Variants in AGAP1 observed in about 807,000 individuals in gnomAD.
AGAP1 encodes arf-GAP with GTPase, ANK repeat and PH domain-containing protein 1.
A neutral mutation model predicts 105.3 loss-of-function variants in AGAP1; 29 were observed. The observed-to-expected ratio is 0.28, with a 90% confidence interval of 0.21 to 0.38. The LOEUF is 0.38. Ranked by LOEUF, AGAP1 falls within the 10% of genes least tolerant of loss-of-function variation. The pLI, the probability that AGAP1 is intolerant of heterozygous loss-of-function variation, is 1.00. For synonymous variants in AGAP1, 509 were observed against 485.9 expected (o/e 1.05, Z -0.63); for missense variants, 998 against 1,165.1 (o/e 0.86, Z 2.09).
rs190587843 is a variant in AGAP1, at chr2:235,527,643, G to A, written c.163+32794G>A. 1.6e-3 allele frequency among the ~76,000 whole-genome samples: 243 copies of A among 152,196 alleles called. 2 individuals carry two copies. Among genetic ancestry groups the A allele is most frequent in the Non-Finnish European group, 2.4e-3 (163 of 68,006 alleles). ...GCCCAAACCATCTGCCTATCTTAGC[G>A]TCCCGAAGTGCTGGAATTACCGTAG... On this transcript the variant is annotated intron_variant, in intron 1 of 17. Transcript: ENST00000304032.
At chr2:235,997,849 C>A (rs1012314698) in intron 13 of AGAP1, among the ~76,000 whole-genome samples, 1 of 151,968 alleles carries the variant, frequency 6.6e-6, no homozygotes, top group Non-Finnish European at 1.5e-5. Context: ...CTTCCCAGTA[C>A]ATTTGTTTAT....
intron 6 of AGAP1, among the ~76,000 whole-genome samples, chr2:235,768,854 TGCA>T (rs1173306691): frequency 6.6e-6 from 1 of 152,238 alleles, no homozygotes; most frequent in Non-Finnish European, 1.5e-5. Context: ...TGGCCAGCGC[TGCA>T]GCTTCCTCTC....
At chr2:235,727,178 C>T (rs1456745936) in intron 3 of AGAP1, among the ~76,000 whole-genome samples, 4 of 152,134 alleles carry the variant, frequency 2.6e-5, no homozygotes, top group Non-Finnish European at 4.4e-5. Context: ...TCTGTCCCTT[C>T]GGGTGGGGAG....
Position 235,747,505 on chromosome 2 carries a change from C to T in AGAP1, c.538+2666C>T, listed in dbSNP as rs1559429500. 1.3e-5 allele frequency among the ~76,000 whole-genome samples: 2 copies of T among 152,086 alleles called. No individual in the cohort carries two copies. The highest frequency in any genetic ancestry group is 4.8e-5 in the African/African-American group (2 of 41,426). ...GGTGAGCAGGTAAGCGGGCCCCATG[C>T]CCTCCCTGCAGGACTCCTCTTAGCT... On this transcript the variant is annotated intron_variant, in intron 5 of 17. Coordinates refer to ENST00000304032, the MANE Select transcript of AGAP1 (RefSeq NM_001037131.3). The surrounding 1 kb of genome is among the most constrained non-coding windows in gnomAD (Gnocchi z 5.0).
Position 235,744,575 on chromosome 2 carries a change from C to CA in AGAP1, c.397-122dup. On this transcript the variant is annotated intron_variant, in intron 4 of 17. Transcript: ENST00000304032. This position sits in a 1 kb window ranked among gnomAD's most constrained non-coding sequence, Gnocchi z 5.2. ...GTAAAAGTGACAGTCAAAAGTCAAG[C>CA]ACCCAGTGTGTGACCGAGGGGATTC... is the stretch of plus-strand genomic sequence containing the variant. The CA allele has an allele frequency of 5.9e-6, 7 of 1,191,078 alleles. No homozygotes were observed. The highest frequency in any genetic ancestry group is 8.5e-6 in the Non-Finnish European group (7 of 822,832). 73.8% of individuals were successfully genotyped at this position (1,191,078 alleles called of 1,614,324 possible). A position where few individuals can be genotyped will look rare whatever the true frequency, so the allele number is the denominator to read the frequency against.
chr2:235,671,161 C>G, intron 1 of AGAP1: 1 of 1,192,854 alleles, frequency 8.4e-7, no homozygotes, highest in Non-Finnish European at 1.0e-6. Flanking sequence ...GGAGCCTGCA[C>G]GTGGCCTCGA....
In AGAP1 at chr2:235,874,434, C is replaced by T. The variant is rs995790440; in HGVS notation, c.1051-8911C>T. 6.6e-6 allele frequency among the ~76,000 whole-genome samples: 1 copy of T among 152,226 alleles called. No individual in the cohort carries two copies. ...TTAACTGGGGGCGCTGCAGCAGCTT[C>T]TCAGACATGGCTGCCCTCATGCCTC... On this transcript the variant is annotated intron_variant, in intron 9 of 17. Transcript: ENST00000304032. The surrounding 1 kb of genome is among the most constrained non-coding windows in gnomAD (Gnocchi z 4.5).
rs957354592 is a variant in AGAP1, at chr2:235,689,752, A to T, written c.164-19427A>T. 1.3e-5 allele frequency among the ~76,000 whole-genome samples: 2 copies of T among 152,172 alleles called. No homozygotes were observed. The highest frequency in any genetic ancestry group is 4.8e-5 in the African/African-American group (2 of 41,442). ...CTGCACTGTTGGTAAACTGTCCTGC[A>T]TGTGTGTACGTGCACACTTGTGTGA... On this transcript the variant is annotated intron_variant, in intron 1 of 17. Coordinates refer to ENST00000304032, the MANE Select transcript of AGAP1 (RefSeq NM_001037131.3). The surrounding 1 kb of genome is among the most constrained non-coding windows in gnomAD (Gnocchi z 4.2).
rs374803616 is a variant in AGAP1 at position 235,992,307 on chromosome 2, T to C, written c.1645+23684T>C. Among the ~76,000 whole-genome samples the C allele has an allele frequency of 2.0e-5, 3 of 152,140 alleles. No individual in the cohort carries two copies. Among genetic ancestry groups the C allele is most frequent in the East Asian group, 3.9e-4 (2 of 5,158 alleles). On this transcript the variant is annotated intron_variant, in intron 13 of 17. Transcript: ENST00000304032. The surrounding 1 kb of genome is among the most constrained non-coding windows in gnomAD (Gnocchi z 4.8). ...CTTCCTGGCGGGTGGCCTGGGCGAG[T>C]GCCTCACGCTCCCGTCAGTGCTCTC...
At chr2:235,666,142 C>T (rs566748240) in intron 1 of AGAP1, among the ~76,000 whole-genome samples, 77 of 152,068 alleles carry the variant, frequency 5.1e-4, no homozygotes, top group Middle Eastern at 3.4e-3. Context: ...CAGCATTAGT[C>T]CCTGCAGCAC....
intron 16 of AGAP1, among the ~76,000 whole-genome samples, chr2:236,106,316 A>T (rs1481858366): frequency 6.6e-6 from 1 of 152,228 alleles, no homozygotes; most frequent in Non-Finnish European, 1.5e-5. Flanking sequence ...CTAGCATGTC[A>T]TCCAAGCCTG....
chr2:235,773,583 A>G (rs1472942563), intron 6 of AGAP1, among the ~76,000 whole-genome samples: 1 of 152,186 alleles, frequency 6.6e-6, no homozygotes, highest in Non-Finnish European at 1.5e-5. Flanking sequence ...ATTTAGTTCT[A>G]GGAAGTCAGC....
Position 235,988,462 on chromosome 2 carries a change from C to G in AGAP1, c.1645+19839C>G, listed in dbSNP as rs748676229. On this transcript the variant is annotated intron_variant, in intron 13 of 17. Coordinates refer to ENST00000304032, the MANE Select transcript of AGAP1 (RefSeq NM_001037131.3). The surrounding 1 kb of genome is among the most constrained non-coding windows in gnomAD (Gnocchi z 4.7). Reference sequence around the variant, plus strand: ...TCTTGTCCTTAAATGCCACCCCCAACCCCCGCCCCGAAGTCAGGAAGTGAT... The same window carrying G: ...TCTTGTCCTTAAATGCCACCCCCAAGCCCCGCCCCGAAGTCAGGAAGTGAT... Among the ~76,000 whole-genome samples, 1 of 152,030 alleles carries G rather than the reference C, an allele frequency of 6.6e-6. No individual in the cohort carries two copies. The highest frequency in any genetic ancestry group is 1.5e-5 in the Non-Finnish European group (1 of 68,018).
At chr2:236,063,657 C>T (rs1262657363) in intron 16 of AGAP1, among the ~76,000 whole-genome samples, 1 of 152,222 alleles carries the variant, frequency 6.6e-6, no homozygotes, top group Non-Finnish European at 1.5e-5. Flanking sequence ...CCAGCCTCAC[C>T]TTTGCAGTCT....
Position 235,614,730 on chromosome 2 carries a change from ACT to A in AGAP1, c.164-94447_164-94446del, listed in dbSNP as rs1377510379. On this transcript the variant is annotated intron_variant, in intron 1 of 17. Coordinates refer to ENST00000304032, the MANE Select transcript of AGAP1 (RefSeq NM_001037131.3). The surrounding 1 kb of genome is among the most constrained non-coding windows in gnomAD (Gnocchi z 4.7). ...CTTAGGGAAGATACGAGACTGGCTA[ACT>A]CAGTATTCACCGTGAATTCTTTTGT... Among the ~76,000 whole-genome samples, 4 of 152,128 alleles carry A rather than the reference ACT, an allele frequency of 2.6e-5. No individual in the cohort carries two copies. Among genetic ancestry groups the A allele is most frequent in the African/African-American group, 9.7e-5 (4 of 41,414 alleles).
chr2:235,785,731 CT>C (rs1394669366), intron 6 of AGAP1, among the ~76,000 whole-genome samples: 1 of 151,900 alleles, frequency 6.6e-6, no homozygotes, highest in African/African-American at 2.4e-5. Context: ...TTGGTGGTAC[CT>C]TTTTCTCTTT....
At chr2:235,948,845 A>G (rs1224268606) in intron 12 of AGAP1, among the ~76,000 whole-genome samples, 1 of 152,174 alleles carries the variant, frequency 6.6e-6, no homozygotes, top group Non-Finnish European at 1.5e-5. Context: ...GGAAGACCCA[A>G]TTCAATACAG....
At position 236,045,975 on chromosome 2, in the gene AGAP1, C is replaced by T. The variant is rs997535310; in HGVS notation, c.1892-3084C>T. The T allele has an allele frequency of 3.2e-5, 15 of 471,618 alleles. No homozygotes were observed. The highest frequency in any genetic ancestry group is 2.1e-4 in the East Asian group (3 of 14,402). 29.2% of individuals were successfully genotyped at this position (471,618 alleles called of 1,614,324 possible). On this transcript the variant is annotated intron_variant, in intron 15 of 17. Coordinates refer to ENST00000304032, the MANE Select transcript of AGAP1 (RefSeq NM_001037131.3). This position sits in a 1 kb window ranked among gnomAD's most constrained non-coding sequence, Gnocchi z 6.9. The stretch of plus-strand genomic sequence containing the variant: ...GAGTCCGGCACAGGAATGTGTCCCA[C>T]GCATGAATGTCGTCCTTCAGATCTG...
chr2:235,807,282 A>C lies in AGAP1; in HGVS notation c.1001A>C (p.Glu334Ala). 6.2e-7 allele frequency: 1 copy of C among 1,607,012 alleles called. No homozygotes were observed. The highest frequency in any genetic ancestry group is 8.5e-7 in the Non-Finnish European group (1 of 1,178,202). The change falls in exon 9 of 18, where the codon GAG becomes GCG. Residue 334 changes from glutamate to alanine, a missense_variant. Around this residue, in one of 3 missense-constraint regions of AGAP1, gnomAD observed 735 missense variants for 833.4 expected, o/e 0.88. Coordinates refer to ENST00000304032, the MANE Select transcript of AGAP1 (RefSeq NM_001037131.3). ...CCAGACAAAGAGAAGAAAGGCCTGG[A>C]GAGTCGTGCGGACAGCATTGGGAGC... Reference protein sequence around the residue: ...SDPDKEKKGLESRADSIGSGR... With the variant: ...SDPDKEKKGLASRADSIGSGR...
Sources: gnomAD v4.1 joint callset for allele counts (sites outside exome capture counted in the v4.1 genomes callset) on GRCh38, gnomAD v4.1.1 for gene constraint, gnomAD v4.1.1 regional missense constraint, Gnocchi (gnomAD v3.1) non-coding constraint, MANE v1.5 for transcripts, NCBI Gene and HGNC (gene_info 2026-07-23, HGNC 2026-07-21) for gene names.